CDC42BPA: variants seen among roughly 807,000 people sequenced by gnomAD.
CDC42BPA encodes CDC42 binding protein kinase alpha.
In CDC42BPA, 80 loss-of-function variants were observed where a neutral mutation model predicts 223.5. That is an observed-to-expected ratio of 0.36 (90% CI 0.30 to 0.43). The LOEUF is 0.43. Ranked by LOEUF, CDC42BPA falls within the 20% of genes least tolerant of loss-of-function variation. The pLI, the probability that CDC42BPA is intolerant of heterozygous loss-of-function variation, is 1.00. For missense variants in CDC42BPA, 1,743 were observed against 2,099.9 expected (o/e 0.83, Z 3.32); for synonymous variants, 694 against 718.6 (o/e 0.97, Z 0.55).
intron 4 of CDC42BPA, among the ~76,000 whole-genome samples, chr1:227,195,102 G>A (rs562240372): frequency 5.3e-5 from 8 of 152,220 alleles, no homozygotes; most frequent in East Asian, 1.9e-4. Flanking sequence ...AACTAATTTC[G>A]CATATTTAAA....
At chr1:227,066,066 G>A (rs1253579860) in intron 21 of CDC42BPA, among the ~76,000 whole-genome samples, 1 of 152,164 alleles carries the variant, frequency 6.6e-6, no homozygotes, top group Non-Finnish European at 1.5e-5. Context: ...ATTTGGCACA[G>A]AGAACAACAG....
chr1:227,233,137 C>T (rs573176572), intron 2 of CDC42BPA, among the ~76,000 whole-genome samples: 34 of 152,346 alleles, frequency 2.2e-4, no homozygotes, highest in African/African-American at 5.5e-4. Flanking sequence ...GCGTCACTCA[C>T]GCTGGGAGCT....
At chr1:227,292,238 C>T (rs1689819754) in intron 1 of CDC42BPA, among the ~76,000 whole-genome samples, 1 of 152,100 alleles carries the variant, frequency 6.6e-6, no homozygotes, top group Admixed American at 6.5e-5. Flanking sequence ...GTCTTGGCCT[C>T]CCAAAGTGCT....
chr1:227,198,706 T>C (rs1395939697), intron 4 of CDC42BPA, among the ~76,000 whole-genome samples: 1 of 151,966 alleles, frequency 6.6e-6, no homozygotes, highest in African/African-American at 2.4e-5. Flanking sequence ...TGGAAAAACC[T>C]TTAATTTTAT....
intron 4 of CDC42BPA, among the ~76,000 whole-genome samples, chr1:227,198,850 C>T (rs1465067602): frequency 6.6e-6 from 1 of 151,838 alleles, no homozygotes; most frequent in Non-Finnish European, 1.5e-5. Context: ...CAGGTTCAGG[C>T]TATTCTCCTG....
rs1240245306 is a variant in CDC42BPA at position 227,133,565 on chromosome 1, G to A, written c.1391-4334C>T. On this transcript the variant is annotated intron_variant, in intron 10 of 36. Transcript: ENST00000366766. ...AAGATTGAGAAATCGGATGGTTGCC[G>A]TGTCTGTGCAGAGAGAAGTAGACAT... Among the ~76,000 whole-genome samples the A allele has an allele frequency of 9.8e-5, 15 of 152,340 alleles. No homozygotes were observed. In the East Asian group the frequency reaches 1.4e-3, roughly 14 times the overall value.
At chr1:227,162,758 C>T (rs1320081005) in intron 5 of CDC42BPA, among the ~76,000 whole-genome samples, 1 of 152,108 alleles carries the variant, frequency 6.6e-6, no homozygotes, top group Non-Finnish European at 1.5e-5. Flanking sequence ...ATCACCTGAG[C>T]CTGGGAGGTC....
At chr1:227,030,256 C>CTTTTAATTTATAAACGTCAAATTAGG in intron 29 of CDC42BPA, 152 bp downstream of exon 29, 1 of 578,524 alleles carries the variant, frequency 1.7e-6, no homozygotes, top group East Asian at 3.2e-5. Flanking sequence ...TAAAAATAAT[C>CTTTTAATTTATAAACGTCAAATTAGG]TTTTAATTTA....
At chr1:227,106,797 T>C (rs1192618445) in intron 14 of CDC42BPA, among the ~76,000 whole-genome samples, 4 of 152,222 alleles carry the variant, frequency 2.6e-5, no homozygotes, top group Admixed American at 1.3e-4. Flanking sequence ...TATTCAGTTG[T>C]CCCAAAACAT....
At chr1:227,235,162 A>G (rs919634634) in intron 2 of CDC42BPA, 2 of 152,198 alleles carry the variant, frequency 1.3e-5, no homozygotes, top group Non-Finnish European at 2.9e-5. Context: ...CAAAGAAATG[A>G]GGAGAACCTA....
chr1:227,018,191 C>T (rs975893999), intron 32 of CDC42BPA, among the ~76,000 whole-genome samples: 2 of 152,066 alleles, frequency 1.3e-5, no homozygotes, highest in African/African-American at 4.8e-5. Flanking sequence ...GGATTACAGG[C>T]ACATGCGCCA....
chr1:227,114,022 A>AAAAAAAAAAAAAAAAAAAAAAAAAAAAG (rs1162177105), intron 12 of CDC42BPA, among the ~76,000 whole-genome samples: 1 of 151,666 alleles, frequency 6.6e-6, no homozygotes, highest in African/African-American at 2.4e-5. Flanking sequence ...CAACTCAAAA[A>AAAAAAAAAAAAAAAAAAAAAAAAAAAAG]AAAAGAAAAG....
chr1:227,038,747 A>C (rs1356319420), intron 24 of CDC42BPA, among the ~76,000 whole-genome samples: 1 of 152,224 alleles, frequency 6.6e-6, no homozygotes, highest in East Asian at 1.9e-4. Context: ...GAACAGCAGC[A>C]GGAGATGCAA....
intron 16 of CDC42BPA, among the ~76,000 whole-genome samples, chr1:227,082,337 A>C (rs1025401980): frequency 4.6e-5 from 7 of 152,108 alleles, no homozygotes; most frequent in African/African-American, 1.7e-4. Context: ...ATGCACCAGC[A>C]TGCCTGGCCC....
intron 1 of CDC42BPA, among the ~76,000 whole-genome samples, chr1:227,306,327 A>C (rs569482816): frequency 6.6e-6 from 1 of 152,316 alleles, no homozygotes; most frequent in Non-Finnish European, 1.5e-5. Context: ...AATACAGAGA[A>C]GTCAACTGAG....
At chr1:227,089,913 A>C (rs1248611179) in intron 16 of CDC42BPA, among the ~76,000 whole-genome samples, 1 of 152,182 alleles carries the variant, frequency 6.6e-6, no homozygotes, top group Non-Finnish European at 1.5e-5. Flanking sequence ...AAAATGTAAT[A>C]ACATCTTTTA....
chr1:227,140,474 A>G (rs1005461892), intron 9 of CDC42BPA, among the ~76,000 whole-genome samples: 3 of 152,082 alleles, frequency 2.0e-5, no homozygotes, highest in African/African-American at 7.2e-5. Flanking sequence ...ATATCAAAAG[A>G]AAGAATGTTC....
At chr1:227,292,698 T>C (rs1489371207) in intron 1 of CDC42BPA, among the ~76,000 whole-genome samples, 1 of 152,216 alleles carries the variant, frequency 6.6e-6, no homozygotes, top group East Asian at 1.9e-4. Context: ...GGGTAAGAGG[T>C]ATTTTAATTG....
At chr1:227,119,994 C>T in intron 11 of CDC42BPA, 57 bp from the exon 12 acceptor site, 1 of 1,440,722 alleles carries the variant, frequency 6.9e-7, no homozygotes, top group Non-Finnish European at 9.3e-7. Flanking sequence ...ATGATTGAAC[C>T]TAAGGTAAAA....
Sources: gnomAD v4.1 joint callset for allele counts (sites outside exome capture counted in the v4.1 genomes callset) on GRCh38, gnomAD v4.1.1 for gene constraint, MANE v1.5 for transcripts, NCBI Gene and HGNC (gene_info 2026-07-23, HGNC 2026-07-21) for gene names.